Variants in CASP10 observed in about 807,000 individuals in gnomAD.
CASP10 encodes caspase-10.
CASP10 carries 41 observed loss-of-function variants against 48.5 expected under a neutral mutation model. The ratio of observed to expected loss-of-function variants is 0.85; its 90% CI spans 0.66 to 1.10. The LOEUF (loss-of-function observed/expected upper bound fraction) is 1.10. Among genes scored for constraint, CASP10 ranks in the 50% least tolerant of loss-of-function variants. The pLI is 0.00. For missense variants in CASP10, 614 were observed against 614.5 expected (o/e 1.00, Z 0.01); for synonymous variants, 232 against 238.4 (o/e 0.97, Z 0.25).
At chr2:201,194,087 TTG>T (rs139975621) in intron 4 of CASP10, among the ~76,000 whole-genome samples, 23,099 of 148,232 alleles carry the variant, frequency 0.16, 3,152 homozygotes, top group African/African-American at 0.37. Context: ...CTTTATTTTC[TTG>T]TGTGTGTGTG....
intron 3 of CASP10, 124 bp from the exon 4 acceptor site, chr2:201,192,860 G>C: frequency 4.2e-6 from 4 of 942,260 alleles, no homozygotes; most frequent in Non-Finnish European, 6.8e-6. Context: ...AGCAACTTGA[G>C]GGCAGATGCT....
At chr2:201,198,536 A>AT (rs1944889413) in intron 5 of CASP10, among the ~76,000 whole-genome samples, 2 of 59,560 alleles carry the variant, frequency 3.4e-5, no homozygotes, top group African/African-American at 7.4e-5. Context: ...TTATTTTTTA[A>AT]TTCTTTTTTT....
In CASP10 at chr2:201,221,361, A is replaced by G. The variant is rs1945715778; in HGVS notation, c.*3620A>G. ...TATCCCTTGTGACCTGCACATATAT[A>G]TCCAGATGGCCTGAAGTAACTGAAG... On this transcript the variant is annotated 3_prime_UTR_variant, in exon 10 of 10. Coordinates refer to ENST00000286186, the MANE Select transcript of CASP10 (RefSeq NM_032977.4). 1.2e-6 allele frequency: 1 copy of G among 827,424 alleles called. No homozygotes were observed. Among genetic ancestry groups the G allele is most frequent in the African/African-American group, 1.9e-5 (1 of 53,992 alleles). The allele number at this position is 827,424 out of a possible 1,614,324, so 51.3% of individuals were successfully genotyped here. A position where few individuals can be genotyped will look rare whatever the true frequency, so the allele number is the denominator to read the frequency against.
intron 7 of CASP10, among the ~76,000 whole-genome samples, 160 bp from the exon 8 acceptor site, chr2:201,207,915 A>G (rs1945262128): frequency 6.6e-6 from 1 of 152,170 alleles, no homozygotes; most frequent in African/African-American, 2.4e-5. Context: ...AACAACAGCA[A>G]CAACAAAATA....
rs1412206130 is a variant in CASP10 at position 201,185,853 on chromosome 2, A to G, written c.76A>G (p.Ile26Val). The change falls in exon 2 of 10, where the codon ATT (isoleucine) becomes GTT (valine). Residue 26 changes from isoleucine to valine, a missense_variant. By Grantham distance (29) the Ile-to-Val change is conservative. Coordinates refer to ENST00000286186, the MANE Select transcript of CASP10 (RefSeq NM_032977.4). The stretch of plus-strand genomic sequence containing the variant: ...AGTGAGCTTTCGTGAGAAGCTTCTG[A>G]TTATTGATTCAAACCTGGGGGTCCA... ...CKVSFREKLL[I>V]IDSNLGVQDV... The G allele has an allele frequency of 6.2e-7, 1 of 1,614,090 alleles. No homozygotes were observed. The highest frequency in any genetic ancestry group is 1.7e-5 in the Admixed American group (1 of 60,004).
chr2:201,215,977 A>G (rs886386725), intron 9 of CASP10, among the ~76,000 whole-genome samples: 1 of 151,962 alleles, frequency 6.6e-6, no homozygotes, highest in Non-Finnish European at 1.5e-5. Context: ...GGACTGCATT[A>G]AATCTGTAGG....
intron 6 of CASP10, among the ~76,000 whole-genome samples, chr2:201,204,077 C>T (rs909681371): frequency 2.0e-5 from 3 of 152,136 alleles, no homozygotes; most frequent in African/African-American, 4.8e-5. Context: ...AAACAGCCCC[C>T]GCAGGGCTGA....
Position 201,209,089 on chromosome 2 carries a change from CCAGTGGCTTGGGTTCA to C in CASP10, c.948_963del (p.Trp316CysfsTer7). 1.3e-6 allele frequency: 2 copies of C among 1,586,606 alleles called. No homozygotes were observed. Among genetic ancestry groups the C allele is most frequent in the Non-Finnish European group, 1.7e-6 (2 of 1,167,288 alleles). ...AAACAGAGATCCTGAGTCATGTGTT[CCAGTGGCTTGGGTTCA>C]CAGTGCATATACACAATAATGTGAC... On this transcript the variant is annotated frameshift_variant, in exon 9 of 10. Coordinates refer to ENST00000286186, the MANE Select transcript of CASP10 (RefSeq NM_032977.4). LOFTEE classifies it high-confidence loss of function.
At chr2:201,210,474 C>T (rs1945357740) in intron 9 of CASP10, among the ~76,000 whole-genome samples, 1 of 152,226 alleles carries the variant, frequency 6.6e-6, no homozygotes, top group Non-Finnish European at 1.5e-5. Context: ...CTCTGTTTAG[C>T]CCTTGGACCT....
At chr2:201,224,250 C>T (rs984587275), downstream of CASP10, among the ~76,000 whole-genome samples, 11 of 151,704 alleles carry the variant, frequency 7.3e-5, no homozygotes, top group African/African-American at 2.4e-4. Context: ...GGATTACAAG[C>T]GTGAGCCACC....
chr2:201,191,481 A>G (rs1455534877), intron 3 of CASP10, among the ~76,000 whole-genome samples: 1 of 152,006 alleles, frequency 6.6e-6, no homozygotes, highest in Non-Finnish European at 1.5e-5. Context: ...TCTGTATTGG[A>G]TTTTGCAATC....
At position 201,217,732 on chromosome 2, in the gene CASP10, T is replaced by A. The variant is rs766842894; in HGVS notation, c.1560T>A (p.Leu520=). ...KLVFPVPLDA[L]SL is the part of the protein sequence containing the mutation. ...TATTCCCTGTGCCCCTGGATGCACT[T>A]TCATTATAGCAGAGAGTTTTTGTTG... Residue 520 remains leucine, a synonymous_variant, in exon 10 of 10, where the codon CTT becomes CTA. Coordinates refer to ENST00000286186, the MANE Select transcript of CASP10 (RefSeq NM_032977.4). 5 of 1,613,940 alleles carry A rather than the reference T, an allele frequency of 3.1e-6. No individual in the cohort carries two copies. The highest frequency in any genetic ancestry group is 3.4e-6 in the Non-Finnish European group (4 of 1,179,900).
intron 2 of CASP10, 123 bp from the exon 3 acceptor site, chr2:201,187,583 A>ATAATTGT (rs1944458129): frequency 1.6e-5 from 13 of 804,354 alleles, no homozygotes; most frequent in South Asian, 1.2e-4. Context: ...AATGGGATTA[A>ATAATTGT]TAATTGTCTA....
At chr2:201,195,561 C>T (rs1443356195) in intron 4 of CASP10, among the ~76,000 whole-genome samples, 1 of 152,182 alleles carries the variant, frequency 6.6e-6, no homozygotes, top group African/African-American at 2.4e-5. Flanking sequence ...GGTGTGCAGA[C>T]TTTAGACTTT....
rs2126065623 is a variant in CASP10, at chr2:201,220,931, G to A, written c.*3190G>A. 1 of 985,466 alleles carries A rather than the reference G, an allele frequency of 1.0e-6. No homozygotes were observed. Among genetic ancestry groups the A allele is most frequent in the East Asian group, 1.1e-4 (1 of 8,822 alleles). The allele number at this position is 985,466 out of a possible 1,614,324, so 61.0% of individuals were successfully genotyped here. A position where few individuals can be genotyped will look rare whatever the true frequency, so the allele number is the denominator to read the frequency against. The stretch of plus-strand genomic sequence containing the variant: ...CATTTTGTCCTGATTCCTTTGCTCA[G>A]AGACACTAACTAAATCAAGCTAGCT... On this transcript the variant is annotated 3_prime_UTR_variant, in exon 10 of 10. Transcript: ENST00000286186.
At chr2:201,186,200 A>G in intron 2 of CASP10, 76 bp downstream of exon 2, 1 of 1,088,832 alleles carries the variant, frequency 9.2e-7, no homozygotes, top group East Asian at 2.4e-5. Context: ...TTTGAAAGGA[A>G]GCTGCAGTTA....
rs41478847 is a variant in CASP10, at chr2:201,187,567, C to A, written c.348-139C>A. The A allele has an allele frequency of 1.5e-3, 1,094 of 744,176 alleles. 14 individuals carry two copies. The African/African-American group carries it at 0.017, about 11-fold the overall frequency. The allele number at this position is 744,176 out of a possible 1,614,324, so 46.1% of individuals were successfully genotyped here. A position where few individuals can be genotyped will look rare whatever the true frequency, so the allele number is the denominator to read the frequency against. The stretch of plus-strand genomic sequence containing the variant: ...AAACTGAAAGTTTTCATTTTTTGAA[C>A]CTATAAATGGGATTAATAATTGTCT... On this transcript the variant is annotated intron_variant, in intron 2 of 9. Coordinates refer to ENST00000286186, the MANE Select transcript of CASP10 (RefSeq NM_032977.4).
intron 7 of CASP10, 30 bp downstream of exon 7, chr2:201,206,003 A>C: frequency 6.7e-7 from 1 of 1,484,664 alleles, no homozygotes; most frequent in Non-Finnish European, 9.3e-7. Flanking sequence ...TTCCTTTTTT[A>C]ATAAAAAAAT....
chr2:201,192,062 A>G (rs1283152798), intron 3 of CASP10, among the ~76,000 whole-genome samples: 9 of 152,174 alleles, frequency 5.9e-5, no homozygotes, highest in Non-Finnish European at 1.3e-4. Flanking sequence ...CTGGAATCAC[A>G]TCTTAGCCCT....
Sources: gnomAD v4.1 joint callset for allele counts (sites outside exome capture counted in the v4.1 genomes callset) on GRCh38, gnomAD v4.1.1 for gene constraint, MANE v1.5 for transcripts, NCBI Gene and HGNC (gene_info 2026-07-23, HGNC 2026-07-21) for gene names.